RSRP1: variants seen among roughly 807,000 people sequenced by gnomAD.
RSRP1 encodes the protein arginine and serine rich protein 1.
Under a neutral mutation model 33.0 loss-of-function variants are expected in RSRP1, and 37 were observed. That is an observed-to-expected ratio of 1.12 (90% CI 0.86 to 1.48). RSRP1 has a LOEUF of 1.48. Among genes scored for constraint, RSRP1 ranks in the 40% most tolerant of loss-of-function variants. The pLI, the probability that RSRP1 is intolerant of heterozygous loss-of-function variation, is 0.00. For missense variants in RSRP1, 402 were observed against 385.3 expected, an observed-to-expected ratio of 1.04 and a Z score of -0.36; for synonymous variants, 167 against 158.7, an observed-to-expected ratio of 1.05 and a Z score of -0.40.
chr1:25,248,848 G>T (rs1639672892), upstream of RSRP1, among the ~76,000 whole-genome samples: 1 of 152,104 alleles, frequency 6.6e-6, no homozygotes. Context: ...CTGTGTGAGT[G>T]GACAGAAAAA....
intron 1 of RSRP1, among the ~76,000 whole-genome samples, chr1:25,287,733 T>G (rs1387253802): frequency 7.4e-6 from 1 of 135,508 alleles, no homozygotes; most frequent in Admixed American, 7.1e-5. Flanking sequence ...TTTTATTTAT[T>G]TTTTTAGAGA....
At position 25,316,643 on chromosome 1, in the gene RSRP1, G is replaced by A. The variant is rs1165076902; in HGVS notation, c.-67+21335C>T. On this transcript the variant is annotated intron_variant, in intron 1 of 1. Coordinates refer to the RSRP1 transcript ENST00000561867. ...GAAAAAAAAAAAAAAAAAAGAGAGA[G>A]AGAGAAAACTGGAGGCTCTGAGAGG... Among the ~76,000 whole-genome samples the A allele has an allele frequency of 5.7e-5, 7 of 122,746 alleles. 2 individuals are homozygous for A. The highest frequency in any genetic ancestry group is 1.4e-4 in the Non-Finnish European group (7 of 51,730). The allele number at this position is 122,746 out of a possible 152,430, so 80.5% of individuals were successfully genotyped here.
chr1:25,318,449 G>C (rs1249254177), intron 1 of RSRP1, among the ~76,000 whole-genome samples: 1 of 130,454 alleles, frequency 7.7e-6, no homozygotes, highest in African/African-American at 2.6e-5. Flanking sequence ...TTAGCCAGGC[G>C]TGGTGGCGTG....
Position 25,303,354 on chromosome 1 carries a change from C to T in RSRP1, c.-67+34624G>A, listed in dbSNP as rs776508234. 1.2e-5 allele frequency: 16 copies of T among 1,371,382 alleles called. 3 individuals carry two copies. The highest frequency in any genetic ancestry group is 3.6e-5 in the Admixed American group (2 of 56,246). The allele number at this position is 1,371,382 out of a possible 1,614,324, so 85.0% of individuals were successfully genotyped here. ...TGCACAGTGCGGTGTTGGCAGGAGG[C>T]GTGGCTGTGGGTACCTCGTGTCACC... is the stretch of plus-strand genomic sequence containing the variant. On this transcript the variant is annotated intron_variant, in intron 1 of 1. Coordinates refer to the RSRP1 transcript ENST00000561867.
intron 1 of RSRP1, among the ~76,000 whole-genome samples, chr1:25,333,500 C>G (rs140494268): frequency 0.047 from 5,911 of 126,578 alleles, 766 homozygotes; most frequent in African/African-American, 0.16. Flanking sequence ...GTGTGTATCA[C>G]GGTCAGCAAA....
intron 3 of RSRP1, chr1:25,244,303 G>A: frequency 7.8e-7 from 1 of 1,287,780 alleles, no homozygotes; most frequent in Non-Finnish European, 1.0e-6. Flanking sequence ...CCTTTGCTTA[G>A]TTTAAAAATT....
chr1:25,243,766 GTAACAGAACTATTGAGTTTTCCCCT>G (rs1275823180), intron 3 of RSRP1, 133 bp from the exon 4 acceptor site: 3 of 1,432,674 alleles, frequency 2.1e-6, no homozygotes, highest in Non-Finnish European at 2.7e-6. Context: ...AACAGCCTAA[GTAACAGAACTATTGAGTTTTCCCCT>G]TAACAAAACT....
chr1:25,318,550 T>C (rs932773691), intron 1 of RSRP1, among the ~76,000 whole-genome samples: 1 of 131,200 alleles, frequency 7.6e-6, no homozygotes, highest in Non-Finnish European at 1.8e-5. Flanking sequence ...GTTGCACCAC[T>C]GCCCTCCAGC....
rs762518897 is a variant in RSRP1 at position 25,246,676 on chromosome 1, CCT to C, written c.286_287del (p.Arg96AlafsTer21). On this transcript the variant is annotated frameshift_variant, in exon 2 of 5. Coordinates refer to ENST00000243189, the MANE Select transcript of RSRP1 (RefSeq NM_020317.5). LOFTEE classifies it high-confidence loss of function. ...SRSRSRRYRE[R>X]RYGFTRRYYR... ...AGTATCTCCTGGTGAACCCGTAGCG[CCT>C]CTCTCGGTAACGGCGGCTGCGGGAT... 1.4e-4 allele frequency: 230 copies of C among 1,611,004 alleles called. No individual in the cohort carries two copies. The highest frequency in any genetic ancestry group is 1.8e-4 in the Non-Finnish European group (211 of 1,177,610).
At position 25,303,505 on chromosome 1, in the gene RSRP1, G is replaced by A. The variant is rs1268011603; in HGVS notation, c.-67+34473C>T. 5 of 1,371,124 alleles carry A rather than the reference G, an allele frequency of 3.6e-6. 1 individual carries two copies. The highest frequency in any genetic ancestry group is 1.8e-5 in the Admixed American group (1 of 56,158). 84.9% of individuals were successfully genotyped at this position (1,371,124 alleles called of 1,614,324 possible). ...CCTCCTCTGCTTTGGCTGAAGGCCA[G>A]CAGGACGCTGGGACCTGATGGGCCA... is the stretch of plus-strand genomic sequence containing the variant. On this transcript the variant is annotated intron_variant, in intron 1 of 1. Coordinates refer to the RSRP1 transcript ENST00000561867.
chr1:25,292,489 G>A lies in RSRP1; in HGVS notation c.-66-45460C>T, dbSNP rs1290909992. Among the ~76,000 whole-genome samples, 4 of 132,154 alleles carry A rather than the reference G, an allele frequency of 3.0e-5. 1 individual carries two copies. Among genetic ancestry groups the A allele is most frequent in the Non-Finnish European group, 7.2e-5 (4 of 55,746 alleles). The allele number at this position is 132,154 out of a possible 152,430, so 86.7% of individuals were successfully genotyped here. On this transcript the variant is annotated intron_variant, in intron 1 of 1. Coordinates refer to the RSRP1 transcript ENST00000561867. ...GACAGGATTTGCTGATAGACTGCAC[G>A]TGGGGTGGGAGAGGGTCAAGATGAC...
chr1:25,301,629 C>T lies in RSRP1; in HGVS notation c.-67+36349G>A, dbSNP rs1053362. ...ACACCTACTATGCTGTAGCAGTCAG[C>T]GTGGTGACAGCCATCTCAGGGTCAT... On this transcript the variant is annotated intron_variant, in intron 1 of 1. Transcript: ENST00000561867. 1,170 of 1,379,912 alleles carry T rather than the reference C, an allele frequency of 8.5e-4. 199 individuals are homozygous for T. The African/African-American group carries it at 0.011, about 13-fold the overall frequency. The allele number at this position is 1,379,912 out of a possible 1,614,324, so 85.5% of individuals were successfully genotyped here.
Position 25,271,487 on chromosome 1 carries a change from G to A in RSRP1, c.-66-24458C>T, listed in dbSNP as rs1408710626. On this transcript the variant is annotated intron_variant, in intron 1 of 1. Coordinates refer to the RSRP1 transcript ENST00000561867. ...CCACACATTCAGTTTACACTCAGTG[G>A]CCAGTGGCTGGGACCATTGTAGAAA... 2.0e-4 allele frequency among the ~76,000 whole-genome samples: 27 copies of A among 131,966 alleles called. 6 individuals carry two copies. Among genetic ancestry groups the A allele is most frequent in the Non-Finnish European group, 4.8e-4 (27 of 55,762 alleles). 86.6% of individuals were successfully genotyped at this position (131,966 alleles called of 152,430 possible). A position where few individuals can be genotyped will look rare whatever the true frequency, so the allele number is the denominator to read the frequency against.
chr1:25,307,165 G>A (rs1318905252), intron 1 of RSRP1, among the ~76,000 whole-genome samples: 2 of 132,338 alleles, frequency 1.5e-5, no homozygotes, highest in Non-Finnish European at 3.6e-5. Flanking sequence ...TCCCCTCACA[G>A]GACTGTTGGG....
rs753386614 is a variant in RSRP1, at chr1:25,321,974, C to T, written c.-67+16004G>A. The stretch of plus-strand genomic sequence containing the variant: ...AAGTTTTCTGGAAGGTAAGATTTTT[C>T]ACCTATTAACGTGATAGATTTTGAG... On this transcript the variant is annotated intron_variant, in intron 1 of 1. Coordinates refer to the RSRP1 transcript ENST00000561867. 74 of 1,217,206 alleles carry T rather than the reference C, an allele frequency of 6.1e-5. 11 individuals are homozygous for T. In the Admixed American group the frequency reaches 1.3e-3, roughly 22 times the overall value. The allele number at this position is 1,217,206 out of a possible 1,614,324, so 75.4% of individuals were successfully genotyped here. A position where few individuals can be genotyped will look rare whatever the true frequency, so the allele number is the denominator to read the frequency against.
In RSRP1 at chr1:25,283,931, C is replaced by A. The variant is rs1351720895; in HGVS notation, c.-66-36902G>T. ...AGGTGCGTCTCTTCCACTCACCTGC[C>A]ACAGCAGCCTCTGCTCAGGGTCTGA... On this transcript the variant is annotated intron_variant, in intron 1 of 1. Transcript: ENST00000561867. Among the ~76,000 whole-genome samples the A allele has an allele frequency of 1.5e-5, 2 of 134,352 alleles. 1 individual carries two copies. The highest frequency in any genetic ancestry group is 5.2e-5 in the African/African-American group (2 of 38,192). The allele number at this position is 134,352 out of a possible 152,430, so 88.1% of individuals were successfully genotyped here. A position where few individuals can be genotyped will look rare whatever the true frequency, so the allele number is the denominator to read the frequency against.
intron 1 of RSRP1, among the ~76,000 whole-genome samples, chr1:25,278,095 G>A (rs1252025615): frequency 7.7e-6 from 1 of 130,214 alleles, no homozygotes; most frequent in Non-Finnish European, 1.8e-5. Flanking sequence ...TTGCTGTAAT[G>A]ACTACTGGTC....
In RSRP1 at chr1:25,242,580, T is replaced by C. The variant is rs1158939641; in HGVS notation, c.*9A>G. ...TTTTCATGCAAACTTAGCCATCAGT[T>C]TTCTTCTTTTAGATAGGTATCCACA... On this transcript the variant is annotated 3_prime_UTR_variant, in exon 5 of 5. Coordinates refer to ENST00000243189, the MANE Select transcript of RSRP1 (RefSeq NM_020317.5). 2.0e-6 allele frequency: 3 copies of C among 1,529,874 alleles called. No individual in the cohort carries two copies. In the South Asian group the frequency reaches 3.5e-5, roughly 18 times the overall value. The allele number at this position is 1,529,874 out of a possible 1,614,324, so 94.8% of individuals were successfully genotyped here. A position where few individuals can be genotyped will look rare whatever the true frequency, so the allele number is the denominator to read the frequency against.
chr1:25,243,537 T>C lies in RSRP1; in HGVS notation c.756+13A>G. On this transcript the variant is annotated intron_variant, in intron 4 of 4. Coordinates refer to ENST00000243189, the MANE Select transcript of RSRP1 (RefSeq NM_020317.5). ...ATCCAATTTTTGAGTGTTCAATGCC[T>C]GGATATACTTACATTAGAGCTAAAA... The C allele has an allele frequency of 6.2e-7, 1 of 1,611,988 alleles. No individual in the cohort carries two copies. Among genetic ancestry groups the C allele is most frequent in the South Asian group, 1.1e-5 (1 of 90,714 alleles).
Sources: allele counts gnomAD v4.1 joint callset (sites outside exome capture counted in the v4.1 genomes callset), GRCh38; gene constraint gnomAD v4.1.1; transcripts MANE v1.5; gene names NCBI Gene and HGNC (gene_info 2026-07-23, HGNC 2026-07-21).